The following TSPAN9 variants were observed in gnomAD, a reference collection of about 807,000 sequenced individuals.
TSPAN9 encodes the protein tetraspanin 9, also known as tetraspanin-9.
Under a neutral mutation model 31.0 loss-of-function variants are expected in TSPAN9, and 16 were observed. The ratio of observed to expected loss-of-function variants is 0.52; its 90% confidence interval spans 0.35 to 0.78. TSPAN9 has a LOEUF of 0.78. Ranked by LOEUF, TSPAN9 falls within the 30% of genes least tolerant of loss-of-function variation. The probability of loss-of-function intolerance (pLI) is 0.01; values close to 1 mark genes in which losing one functional copy is unlikely to be tolerated. For missense variants in TSPAN9, 272 were observed against 312.5 expected (o/e 0.87, Z 0.98); for synonymous variants, 145 against 121.6 (o/e 1.19, Z -1.27).
In TSPAN9 at chr12:3,283,986, G is replaced by C. The variant is rs1271232803; in HGVS notation, c.*870G>C. On this transcript the variant is annotated 3_prime_UTR_variant, in exon 9 of 9. Coordinates refer to ENST00000011898, the MANE Select transcript of TSPAN9 (RefSeq NM_006675.5). Reference sequence around the variant, plus strand: ...TGCCCCTGCACGGGAGGTGGCGTTTGCTAACCAATCGAGCTGGAAATGCCA... The same window carrying C: ...TGCCCCTGCACGGGAGGTGGCGTTTCCTAACCAATCGAGCTGGAAATGCCA... The C allele has an allele frequency of 6.6e-6, 1 of 152,526 alleles. No individual in the cohort carries two copies. Among genetic ancestry groups the C allele is most frequent in the Non-Finnish European group, 1.5e-5 (1 of 68,224 alleles). 9.4% of individuals were successfully genotyped at this position (152,526 alleles called of 1,614,324 possible). A position where few individuals can be genotyped will look rare whatever the true frequency, so the allele number is the denominator to read the frequency against.
intron 2 of TSPAN9, among the ~76,000 whole-genome samples, chr12:3,190,743 CTT>C (rs2098363942): frequency 6.6e-6 from 1 of 152,218 alleles, no homozygotes; most frequent in Non-Finnish European, 1.5e-5. Flanking sequence ...CATTCTAACT[CTT>C]TTTGTAAAGC....
intron 2 of TSPAN9, among the ~76,000 whole-genome samples, chr12:3,117,443 T>G (rs1406585357): frequency 6.6e-6 from 1 of 152,000 alleles, no homozygotes; most frequent in East Asian, 1.9e-4. Context: ...TTGCCCGATT[T>G]TTGTATCCTA....
At chr12:3,136,050 G>T (rs2098331975) in intron 2 of TSPAN9, among the ~76,000 whole-genome samples, 1 of 152,194 alleles carries the variant, frequency 6.6e-6, no homozygotes, top group African/African-American at 2.4e-5. Context: ...TTGGTAGCCT[G>T]TGCAGTTACT....
intron 2 of TSPAN9, among the ~76,000 whole-genome samples, chr12:3,162,904 A>T (rs1417117954): frequency 6.6e-6 from 1 of 152,108 alleles, no homozygotes; most frequent in Non-Finnish European, 1.5e-5. Context: ...TATTGGAGAG[A>T]GTGTCAAGGT....
intron 3 of TSPAN9, among the ~76,000 whole-genome samples, chr12:3,239,608 A>G (rs2098395532): frequency 1.3e-5 from 2 of 152,180 alleles, no homozygotes; most frequent in African/African-American, 2.4e-5. Context: ...AGAAGTAGAA[A>G]GTCTCTTTGC....
intron 2 of TSPAN9, among the ~76,000 whole-genome samples, chr12:3,198,285 A>T (rs2098368476): frequency 9.6e-6 from 1 of 104,540 alleles, no homozygotes; most frequent in East Asian, 3.0e-4. Context: ...CCACCAGCAC[A>T]GCTCACCACC....
chr12:3,174,871 C>T (rs139347919), intron 2 of TSPAN9, among the ~76,000 whole-genome samples: 16,297 of 152,222 alleles, frequency 0.11, 946 homozygotes, highest in African/African-American at 0.12. Flanking sequence ...CGTGAGCCAC[C>T]GCACCCGGCC....
Position 3,115,234 on chromosome 12 carries a change from G to C in TSPAN9, c.-18+31515G>C, listed in dbSNP as rs188516212. 3.3e-5 allele frequency among the ~76,000 whole-genome samples: 5 copies of C among 152,332 alleles called. No individual in the cohort carries two copies. In the East Asian group the frequency reaches 7.7e-4, roughly 24 times the overall value. ...AGCATAAGGTTTTCAGGGTTCATCT[G>C]TGTTGTAGCACGTGTCAGAATTCCA... On this transcript the variant is annotated intron_variant, in intron 2 of 8. Coordinates refer to ENST00000011898, the MANE Select transcript of TSPAN9 (RefSeq NM_006675.5).
chr12:3,214,015 G>T (rs192063189), intron 3 of TSPAN9, among the ~76,000 whole-genome samples: 6 of 152,302 alleles, frequency 3.9e-5, no homozygotes, highest in Non-Finnish European at 1.5e-5. Context: ...GTGGAAAAGA[G>T]CAGGGAGTTG....
At chr12:3,182,397 C>T (rs538989911) in intron 2 of TSPAN9, among the ~76,000 whole-genome samples, 19 of 152,042 alleles carry the variant, frequency 1.2e-4, no homozygotes, top group South Asian at 2.1e-4. Flanking sequence ...AGCTGATGGC[C>T]TTGTTCTTGG....
At chr12:3,206,433 G>T in intron 3 of TSPAN9, 1 of 446,126 alleles carries the variant, frequency 2.2e-6, no homozygotes, top group Non-Finnish European at 4.6e-6. Flanking sequence ...GAGCATTCTA[G>T]GGTGAGGCAG....
chr12:3,132,615 G>T (rs570202636), intron 2 of TSPAN9, among the ~76,000 whole-genome samples: 1 of 152,128 alleles, frequency 6.6e-6, no homozygotes, highest in Non-Finnish European at 1.5e-5. Flanking sequence ...TCAACATGTG[G>T]CCCCATTTGT....
chr12:3,198,517 G>C (rs1248160837), intron 2 of TSPAN9, among the ~76,000 whole-genome samples: 4 of 95,944 alleles, frequency 4.2e-5, no homozygotes, highest in Non-Finnish European at 2.0e-5. Context: ...ACCAGCACAG[G>C]TCACACCAGC....
intron 2 of TSPAN9, among the ~76,000 whole-genome samples, chr12:3,123,881 A>G (rs1021672763): frequency 1.4e-4 from 22 of 152,236 alleles, no homozygotes; most frequent in Admixed American, 1.4e-3. Flanking sequence ...AGAGTTTAAA[A>G]AATAGTTTGA....
intron 2 of TSPAN9, among the ~76,000 whole-genome samples, chr12:3,161,547 A>T (rs1428567149): frequency 2.6e-5 from 4 of 152,190 alleles, no homozygotes; most frequent in African/African-American, 9.6e-5. Flanking sequence ...CCTGGGGAGC[A>T]GGAGGTAGGT....
In TSPAN9 at chr12:3,225,351, C is replaced by T. The variant is rs575500982; in HGVS notation, c.63+24095C>T. Among the ~76,000 whole-genome samples, 18 of 152,278 alleles carry T rather than the reference C, an allele frequency of 1.2e-4. No individual in the cohort carries two copies. In the East Asian group the frequency reaches 3.5e-3, roughly 30 times the overall value. ...TGGAGGACTGCCTCTCACATGTGCA[C>T]GCACAGGACAGCCTGTCCTGTGCGG... On this transcript the variant is annotated intron_variant, in intron 3 of 8. Coordinates refer to ENST00000011898, the MANE Select transcript of TSPAN9 (RefSeq NM_006675.5).
intron 2 of TSPAN9, among the ~76,000 whole-genome samples, chr12:3,175,540 C>T (rs2098355060): frequency 6.6e-6 from 1 of 152,212 alleles, no homozygotes; most frequent in South Asian, 2.1e-4. Flanking sequence ...TGTAGAATAA[C>T]TTTGAAAGAC....
chr12:3,092,243 C>T (rs149698835), intron 2 of TSPAN9, among the ~76,000 whole-genome samples: 56 of 152,278 alleles, frequency 3.7e-4, no homozygotes, highest in African/African-American at 9.1e-4. Flanking sequence ...CTCAGGTCCC[C>T]ACTCCACCCC....
At chr12:3,155,662 G>A (rs1340632013) in intron 2 of TSPAN9, among the ~76,000 whole-genome samples, 1 of 152,186 alleles carries the variant, frequency 6.6e-6, no homozygotes, top group Admixed American at 6.5e-5. Context: ...CCCTTTGGGA[G>A]GAGTTAGGCC....
Sources: allele counts gnomAD v4.1 joint callset (sites outside exome capture counted in the v4.1 genomes callset), GRCh38; gene constraint gnomAD v4.1.1; transcripts MANE v1.5; gene names NCBI Gene and HGNC (gene_info 2026-07-23, HGNC 2026-07-21).